Variants in PPARG observed in about 807,000 individuals in gnomAD.
PPARG encodes the protein peroxisome proliferator-activated receptor gamma.
Under a neutral mutation model 39.2 loss-of-function variants are expected in PPARG, and 17 were observed. That is an observed-to-expected ratio of 0.43 (90% CI 0.30 to 0.65). The LOEUF (loss-of-function observed/expected upper bound fraction) is 0.65, where lower values mean the gene tolerates loss of function less well. PPARG is among the 30% of genes least tolerant of loss of function. The probability of loss-of-function intolerance (pLI) is 0.13; values close to 1 mark genes in which losing one functional copy is unlikely to be tolerated. For synonymous variants in PPARG, 223 were observed against 215.7 expected, an observed-to-expected ratio of 1.03 and a Z score of -0.30; for missense variants, 406 against 585.9, an observed-to-expected ratio of 0.69 and a Z score of 3.17.
rs756002554 is a variant in PPARG at position 12,379,785 on chromosome 3, A to T, written c.74A>T (p.Asp25Val). ...ISSVDLSVME[D>V]HSHSFDIKPF... ...TCCGTGGATCTCTCCGTAATGGAAG[A>T]CCACTCCCACTCCTTTGATATCAAG... Residue 25 changes from aspartate to valine, a missense_variant, in exon 3 of 8, where the codon GAC (aspartate) becomes GTC (valine). Asp to Val is a radical substitution (Grantham distance 152). Transcript: ENST00000651735. 17 of 1,614,022 alleles carry T rather than the reference A, an allele frequency of 1.1e-5. 1 individual carries two copies. The South Asian group carries it at 1.9e-4, about 18-fold the overall frequency.
At chr3:12,362,840 C>T (rs1016736924) in intron 2 of PPARG, among the ~76,000 whole-genome samples, 2 of 151,850 alleles carry the variant, frequency 1.3e-5, no homozygotes, top group African/African-American at 4.8e-5. Flanking sequence ...CTTTAGCAGA[C>T]TAATGAAGTT....
chr3:12,306,864 C>T (rs556627100), intron 1 of PPARG, among the ~76,000 whole-genome samples: 71 of 152,010 alleles, frequency 4.7e-4, no homozygotes, highest in African/African-American at 1.4e-3. Flanking sequence ...TTTGGGAGGC[C>T]GAGGCTGGTG....
At chr3:12,354,923 G>A (rs568562557) in intron 2 of PPARG, among the ~76,000 whole-genome samples, 1 of 152,240 alleles carries the variant, frequency 6.6e-6, no homozygotes, top group South Asian at 2.1e-4. Flanking sequence ...ATCAAACTTA[G>A]AGAAAGCATC....
chr3:12,403,587 C>T (rs1463851327), intron 5 of PPARG, among the ~76,000 whole-genome samples: 3 of 152,110 alleles, frequency 2.0e-5, no homozygotes, highest in East Asian at 1.9e-4. Context: ...AATTCCTGGC[C>T]TCAGGCAATC....
intron 6 of PPARG, chr3:12,406,589 G>GAGTGC (rs1418519430): frequency 7.2e-6 from 1 of 138,790 alleles, no homozygotes; most frequent in African/African-American, 2.7e-5. Context: ...GCCCAGGCTG[G>GAGTGC]AGTGCAGTGG....
chr3:12,346,495 G>A (rs76180967), intron 2 of PPARG, among the ~76,000 whole-genome samples: 1,681 of 152,214 alleles, frequency 0.011, 25 homozygotes, highest in African/African-American at 0.037. Flanking sequence ...CCAAAGAGTT[G>A]ACACAGTAGG....
chr3:12,405,528 AAAG>A (rs760467872), intron 5 of PPARG, among the ~76,000 whole-genome samples: 4 of 152,232 alleles, frequency 2.6e-5, no homozygotes, highest in Non-Finnish European at 5.9e-5. Flanking sequence ...CTGGGGATAC[AAAG>A]AAGGTGACCT....
At chr3:12,332,570 A>C (rs1409326651) in intron 2 of PPARG, among the ~76,000 whole-genome samples, 2 of 152,102 alleles carry the variant, frequency 1.3e-5, no homozygotes, top group Non-Finnish European at 2.9e-5. Flanking sequence ...TAATATGTGG[A>C]TTTTTATGTA....
intron 2 of PPARG, among the ~76,000 whole-genome samples, chr3:12,323,501 G>A (rs1172088438): frequency 1.3e-5 from 2 of 152,188 alleles, no homozygotes; most frequent in Non-Finnish European, 1.5e-5. Flanking sequence ...GTACTTCTGT[G>A]TACCCAGCCT....
In PPARG at chr3:12,406,050, C is replaced by A; in HGVS notation, c.698C>A (p.Ala233Glu). Residue 233 changes from alanine to glutamate, a missense_variant, in exon 6 of 8, where the codon GCG (alanine) becomes GAG (glutamate). This residue lies in a region of PPARG where 275 missense variants were observed against 458.0 expected (regional missense o/e 0.60). Coordinates refer to ENST00000651735, the MANE Select transcript of PPARG (RefSeq NM_138711.6). ...CCGCTGACCAAAGCAAAGGCGAGGG[C>A]GATCTTGACAGGAAAGACAACAGAC... Reference protein sequence around the residue: ...SFPLTKAKARAILTGKTTDKS... With the variant: ...SFPLTKAKAREILTGKTTDKS... 6.2e-7 allele frequency: 1 copy of A among 1,614,062 alleles called. No homozygotes were observed. The highest frequency in any genetic ancestry group is 8.5e-7 in the Non-Finnish European group (1 of 1,179,984).
intron 1 of PPARG, among the ~76,000 whole-genome samples, chr3:12,289,615 A>G (rs1311097796): frequency 1.3e-5 from 2 of 152,228 alleles, no homozygotes; most frequent in Admixed American, 6.5e-5. Context: ...GACAGGTTTC[A>G]GGTATTTTAT....
chr3:12,378,080 A>G (rs1370336425), intron 2 of PPARG, among the ~76,000 whole-genome samples: 2 of 152,180 alleles, frequency 1.3e-5, no homozygotes, highest in African/African-American at 4.8e-5. Flanking sequence ...ATCATCTCAC[A>G]CCCATTAGAA....
At chr3:12,326,289 G>A (rs2047692082) in intron 2 of PPARG, among the ~76,000 whole-genome samples, 2 of 152,272 alleles carry the variant, frequency 1.3e-5, no homozygotes, top group East Asian at 3.9e-4. Context: ...GCTGAGAAAT[G>A]GAGGAAATGG....
intron 2 of PPARG, among the ~76,000 whole-genome samples, chr3:12,363,238 G>C (rs2048910780): frequency 6.6e-6 from 1 of 152,120 alleles, no homozygotes; most frequent in Non-Finnish European, 1.5e-5. Flanking sequence ...TTTTTATAGT[G>C]CTCAGGAGAA....
chr3:12,288,725 C>G (rs939466049), upstream of PPARG: 2 of 151,952 alleles, frequency 1.3e-5, no homozygotes, highest in Non-Finnish European at 2.9e-5. Context: ...GCTGGCCCTA[C>G]GCCCGGCGGA....
rs759176486 is a variant in PPARG, at chr3:12,379,890, T to G, written c.179T>G (p.Val60Gly). 6.2e-7 allele frequency: 1 copy of G among 1,613,472 alleles called. No individual in the cohort carries two copies. Among genetic ancestry groups the G allele is most frequent in the East Asian group, 2.2e-5 (1 of 44,870 alleles). Residue 60 changes from valine (V) to glycine (G), a missense_variant, in exon 3 of 8, where the codon GTT becomes GGT. By Grantham distance (109) the Val-to-Gly change is moderately radical. Transcript: ENST00000651735. The part of the protein sequence containing the change: ...DIPFTRTDPV[V>G]ADYKYDLKLQ... The stretch of plus-strand genomic sequence containing the variant: ...CCATTCACAAGAACAGATCCAGTGG[T>G]TGCAGATTACAAGTATGACCTGAAA...
intron 1 of PPARG, among the ~76,000 whole-genome samples, chr3:12,291,205 A>G (rs1212151600): frequency 6.6e-6 from 1 of 152,136 alleles, no homozygotes; most frequent in Non-Finnish European, 1.5e-5. Context: ...CCACAACTGA[A>G]TTTCTAATTT....
At chr3:12,363,824 G>A (rs967043979) in intron 2 of PPARG, among the ~76,000 whole-genome samples, 5 of 152,036 alleles carry the variant, frequency 3.3e-5, no homozygotes, top group African/African-American at 7.3e-5. Flanking sequence ...GGACCTAGCC[G>A]AGGAAAACAT....
chr3:12,397,270 T>A (rs1436764284), intron 5 of PPARG, among the ~76,000 whole-genome samples: 1 of 151,638 alleles, frequency 6.6e-6, no homozygotes, highest in Non-Finnish European at 1.5e-5. Context: ...CACTCAACAT[T>A]TTTAAGGTAG....
Sources: allele counts gnomAD v4.1 joint callset (sites outside exome capture counted in the v4.1 genomes callset), GRCh38; gene constraint gnomAD v4.1.1; regional missense constraint gnomAD v4.1.1; transcripts MANE v1.5; gene names NCBI Gene and HGNC (gene_info 2026-07-23, HGNC 2026-07-21).